The following SYNE1 variants were observed in gnomAD, a reference collection of about 807,000 sequenced individuals.
SYNE1 encodes the protein nesprin-1.
Under a neutral mutation model 1,111.0 loss-of-function variants are expected in SYNE1, and 616 were observed. That is an observed-to-expected ratio of 0.55 (90% CI 0.52 to 0.59). The LOEUF (loss-of-function observed/expected upper bound fraction) is 0.59. SYNE1 is among the 20% of genes least tolerant of loss of function. The pLI is 0.00. For missense variants in SYNE1, 10,006 were observed against 10,417.0 expected (o/e 0.96, Z 1.72); for synonymous variants, 3,855 against 3,825.8 (o/e 1.01, Z -0.28).
At chr6:152,509,406 G>A (rs192885108) in intron 8 of SYNE1, among the ~76,000 whole-genome samples, 163 of 151,804 alleles carry the variant, frequency 1.1e-3, no homozygotes, top group African/African-American at 2.2e-3. Flanking sequence ...ACAGGCACGC[G>A]CCACCACGCC....
rs1890100 is a variant in SYNE1 at position 152,317,074 on chromosome 6, A to G, written c.16573-88T>C. 0.73 allele frequency: 1,078,265 copies of G among 1,471,394 alleles called. 399,928 individuals are homozygous for G. Among genetic ancestry groups the G allele is most frequent in the East Asian group, 0.97 (42,730 of 44,134 alleles). 91.1% of individuals were successfully genotyped at this position (1,471,394 alleles called of 1,614,324 possible). On this transcript the variant is annotated intron_variant, in intron 86 of 145. Transcript: ENST00000367255. ...AGTCTTCTCTCTCTTTGGACACAACAGTCTTAGGGGTTGATCATTATAATA... is the reference window on the plus strand; with the variant it reads ...AGTCTTCTCTCTCTTTGGACACAACGGTCTTAGGGGTTGATCATTATAATA...
intron 102 of SYNE1, 53 bp downstream of exon 102, chr6:152,256,581 G>A (rs1396405039): frequency 6.2e-7 from 1 of 1,609,240 alleles, no homozygotes; most frequent in Admixed American, 1.7e-5. Context: ...ATCAATACAA[G>A]CAAAACAAGA....
At chr6:152,335,794 A>T (rs1269573554) in intron 76 of SYNE1, 1 of 151,994 alleles carries the variant, frequency 6.6e-6, no homozygotes, top group Non-Finnish European at 1.5e-5. Flanking sequence ...AGTTCAAATG[A>T]TTCTCGTGCC....
At chr6:152,164,362 A>G in intron 130 of SYNE1, 37 bp from the exon 131 acceptor site, 3 of 1,612,934 alleles carry the variant, frequency 1.9e-6, no homozygotes, top group Non-Finnish European at 1.7e-6. Flanking sequence ...CACTTCAGCG[A>G]GAGGCCCACT....
chr6:152,384,446 G>A (rs2097487829), intron 55 of SYNE1, among the ~76,000 whole-genome samples: 2 of 152,074 alleles, frequency 1.3e-5, no homozygotes, highest in East Asian at 3.8e-4. Context: ...ATATTACGAA[G>A]AAATGTATCA....
chr6:152,125,227 A>G, intron 145 of SYNE1: 8 of 1,545,856 alleles, frequency 5.2e-6, no homozygotes, highest in Non-Finnish European at 5.2e-6. Flanking sequence ...GGTGATAGGA[A>G]TAATGGTAAT....
At position 152,122,384 on chromosome 6, in the gene SYNE1, G is replaced by A. The variant is rs371209064; in HGVS notation, c.*52C>T. The A allele has an allele frequency of 2.5e-6, 4 of 1,613,030 alleles. No individual in the cohort carries two copies. Among genetic ancestry groups the A allele is most frequent in the Admixed American group, 3.3e-5 (2 of 60,006 alleles). ...TTGTTGGTAGTTTGGGATTGCTTAT[G>A]ACCCGATCCTCCTTATGCTACCAGC... On this transcript the variant is annotated 3_prime_UTR_variant, in exon 146 of 146. Coordinates refer to ENST00000367255, the MANE Select transcript of SYNE1 (RefSeq NM_182961.4).
rs149222834 is a variant in SYNE1, at chr6:152,331,710, C to A, written c.12975G>T (p.Trp4325Cys). The change falls in exon 78 of 146, where the codon TGG becomes TGT. Residue 4325 changes from tryptophan to cysteine, a missense_variant. This residue lies in a region of SYNE1 where 4,955 missense variants were observed against 5,017.2 expected (regional missense o/e 0.99). Transcript: ENST00000367255. Reference sequence around the variant, plus strand: ...TTTTAATGAGGTCCTCAAGCTGAAACCAACGTTGCTCTAAATGACTCGTCT... The same window carrying A: ...TTTTAATGAGGTCCTCAAGCTGAAAACAACGTTGCTCTAAATGACTCGTCT... ...KEQTSHLEQR[W>C]FQLEDLIKRK... is the part of the protein sequence containing the mutation. The A allele has an allele frequency of 3.7e-6, 6 of 1,614,206 alleles. No homozygotes were observed. Among genetic ancestry groups the A allele is most frequent in the Non-Finnish European group, 5.1e-6 (6 of 1,180,030 alleles).
At chr6:152,411,517 G>C (rs1464680898) in intron 42 of SYNE1, among the ~76,000 whole-genome samples, 1 of 151,640 alleles carries the variant, frequency 6.6e-6, no homozygotes, top group African/African-American at 2.4e-5. Flanking sequence ...TGTATAAAAA[G>C]ACCTCAATAA....
At chr6:152,242,562 C>T in intron 106 of SYNE1, 122 bp from the exon 107 acceptor site, 1 of 973,330 alleles carries the variant, frequency 1.0e-6, no homozygotes, top group East Asian at 2.5e-5. Context: ...AGGGATGTGC[C>T]TCCTGGAAAC....
At chr6:152,302,844 A>G (rs1268774665) in intron 91 of SYNE1, among the ~76,000 whole-genome samples, 1 of 152,134 alleles carries the variant, frequency 6.6e-6, no homozygotes, top group Non-Finnish European at 1.5e-5. Context: ...AAGAATGAAA[A>G]AATATATTAT....
chr6:152,236,313 T>G lies in SYNE1; in HGVS notation c.20200-10A>C. The stretch of plus-strand genomic sequence containing the variant: ...GGCTAGATTTTAAATGCTAAAATAT[T>G]GAAATTATTGAGTTAAAAGTTTGGA... On this transcript the variant is annotated splice_polypyrimidine_tract_variant and intron_variant, in intron 109 of 145. Coordinates refer to ENST00000367255, the MANE Select transcript of SYNE1 (RefSeq NM_182961.4). 6.3e-7 allele frequency: 1 copy of G among 1,597,204 alleles called. No individual in the cohort carries two copies. Among genetic ancestry groups the G allele is most frequent in the Non-Finnish European group, 8.6e-7 (1 of 1,165,626 alleles).
At chr6:152,179,915 C>A (rs1457466826) in intron 129 of SYNE1, among the ~76,000 whole-genome samples, 6 of 151,998 alleles carry the variant, frequency 3.9e-5, no homozygotes, top group African/African-American at 1.4e-4. Flanking sequence ...GATCTCCTGA[C>A]CTCATGATCT....
intron 91 of SYNE1, 132 bp from the exon 92 acceptor site, chr6:152,302,195 G>A: frequency 8.3e-7 from 1 of 1,210,076 alleles, no homozygotes; most frequent in East Asian, 2.4e-5. Flanking sequence ...AGGATGTGTA[G>A]GCGGCGAGTC....
At chr6:152,127,875 A>G (rs1040930341) in intron 145 of SYNE1, 3 of 152,240 alleles carry the variant, frequency 2.0e-5, no homozygotes, top group Non-Finnish European at 2.9e-5. Context: ...TAACTTGAAT[A>G]CATTTTTAAA....
chr6:152,409,676 C>T lies in SYNE1; in HGVS notation c.6264G>A (p.Met2088Ile), dbSNP rs1192676026. 9 of 1,613,772 alleles carry T rather than the reference C, an allele frequency of 5.6e-6. No homozygotes were observed. The South Asian group carries it at 9.9e-5, about 18-fold the overall frequency. The change falls in exon 43 of 146, where the codon ATG becomes ATA. Residue 2088 changes from methionine (M) to isoleucine (I), a missense_variant. This residue lies in a region of SYNE1 where 4,955 missense variants were observed against 5,017.2 expected (regional missense o/e 0.99). Transcript: ENST00000367255. ...CTGATTTCAGGTTCTGATATTCTCT[C>T]ATTAAGTCAATAAGTCCACAGCACT... is the stretch of plus-strand genomic sequence containing the variant. ...QGQCCGLIDL[M>I]REYQNLKSAV... is the part of the protein sequence containing the mutation.
chr6:152,340,842 C>A (rs1233201214), intron 74 of SYNE1, among the ~76,000 whole-genome samples: 1 of 152,104 alleles, frequency 6.6e-6, no homozygotes, highest in Admixed American at 6.5e-5. Flanking sequence ...GCTATGGTGT[C>A]CAGGTGTTAG....
intron 14 of SYNE1, among the ~76,000 whole-genome samples, chr6:152,479,804 A>T (rs1023429911): frequency 5.3e-5 from 8 of 152,226 alleles, no homozygotes; most frequent in Non-Finnish European, 1.2e-4. Context: ...ACATATATAC[A>T]TATATACGTT....
At chr6:152,270,783 TG>T (rs148283050) in intron 98 of SYNE1, among the ~76,000 whole-genome samples, 205 of 152,016 alleles carry the variant, frequency 1.3e-3, no homozygotes, top group African/African-American at 4.8e-3. Context: ...AGACTGATAA[TG>T]GGATAGAAAG....
Sources: gnomAD v4.1 joint callset for allele counts (sites outside exome capture counted in the v4.1 genomes callset) on GRCh38, gnomAD v4.1.1 for gene constraint, gnomAD v4.1.1 regional missense constraint, MANE v1.5 for transcripts, NCBI Gene and HGNC (gene_info 2026-07-23, HGNC 2026-07-21) for gene names.